The following OLFM1 variants were observed in gnomAD, a reference collection of about 807,000 sequenced individuals.
OLFM1 encodes olfactomedin 1.
OLFM1 carries 9 observed loss-of-function variants against 49.7 expected under a neutral mutation model. The ratio of observed to expected loss-of-function variants is 0.18; its 90% CI spans 0.11 to 0.32. The LOEUF (loss-of-function observed/expected upper bound fraction) is 0.32. Among genes scored for constraint, OLFM1 ranks in the 10% least tolerant of loss-of-function variants. OLFM1 has a pLI of 1.00. For missense variants in OLFM1, 369 were observed against 661.8 expected, an observed-to-expected ratio of 0.56 and a Z score of 4.85; for synonymous variants, 240 against 271.8, an observed-to-expected ratio of 0.88 and a Z score of 1.15.
chr9:135,078,749 C>T (rs1027511839), intron 1 of OLFM1, among the ~76,000 whole-genome samples: 4 of 152,204 alleles, frequency 2.6e-5, no homozygotes, highest in Non-Finnish European at 5.9e-5. Context: ...GCCACACCCC[C>T]CAGGCTTCCC....
Position 135,120,128 on chromosome 9 carries a change from A to G in OLFM1, c.1408A>G (p.Ile470Val), listed in dbSNP as rs1460741584. 6 of 1,613,876 alleles carry G rather than the reference A, an allele frequency of 3.7e-6. No homozygotes were observed. The highest frequency in any genetic ancestry group is 5.1e-6 in the Non-Finnish European group (6 of 1,179,962). Residue 470 changes from isoleucine to valine, a missense_variant, in exon 6 of 6, where the codon ATC (isoleucine) becomes GTC (valine). By Grantham distance (29) the Ile-to-Val change is conservative (BLOSUM62 3). Around this residue, in one of 3 missense-constraint regions of OLFM1, gnomAD observed 294 missense variants for 567.5 expected, o/e 0.52. Coordinates refer to ENST00000371793, the MANE Select transcript of OLFM1 (RefSeq NM_001282611.2). ...ALYAWNNGHQ[I>V]LYNVTLFHVI... Reference sequence around the variant, plus strand: ...GTATGCCTGGAACAACGGCCACCAGATCCTCTACAACGTGACCCTCTTCCA... The same window carrying G: ...GTATGCCTGGAACAACGGCCACCAGGTCCTCTACAACGTGACCCTCTTCCA...
At position 135,120,637 on chromosome 9, in the gene OLFM1, C is replaced by T; in HGVS notation, c.*459C>T. On this transcript the variant is annotated 3_prime_UTR_variant, in exon 6 of 6. Transcript: ENST00000371793. Reference sequence around the variant, plus strand: ...TGTAACTCGCATCCCATTGCAGTGCCGTTTCTTGACTGTGTTGCTGTCTCT... The same window carrying T: ...TGTAACTCGCATCCCATTGCAGTGCTGTTTCTTGACTGTGTTGCTGTCTCT... 1.1e-5 allele frequency: 2 copies of T among 183,286 alleles called. 1 individual carries two copies. The highest frequency in any genetic ancestry group is 2.6e-4 in the South Asian group (2 of 7,656). 11.4% of individuals were successfully genotyped at this position (183,286 alleles called of 1,614,324 possible).
chr9:135,090,370 T>TTGTG (rs751212855), intron 2 of OLFM1, 26 bp downstream of exon 2: 18 of 1,459,564 alleles, frequency 1.2e-5, no homozygotes, highest in Non-Finnish European at 1.5e-5. Flanking sequence ...GTGTGTGAGT[T>TTGTG]TGTATGTGTG....
chr9:135,095,246 A>G (rs1389954928), intron 2 of OLFM1: 2 of 152,220 alleles, frequency 1.3e-5, no homozygotes, highest in East Asian at 1.9e-4. Flanking sequence ...TCATCTACCT[A>G]TGATACTGTG....
In OLFM1 at chr9:135,113,886, C is replaced by A. The variant is rs1391757115; in HGVS notation, c.784-5618C>A. Among the ~76,000 whole-genome samples, 3 of 152,190 alleles carry A rather than the reference C, an allele frequency of 2.0e-5. No individual in the cohort carries two copies. Among genetic ancestry groups the A allele is most frequent in the Non-Finnish European group, 4.4e-5 (3 of 68,032 alleles). On this transcript the variant is annotated intron_variant, in intron 5 of 5. Transcript: ENST00000371793. This position sits in a 1 kb window ranked among gnomAD's most constrained non-coding sequence, Gnocchi z 4.0. ...GCTCACTGTCACCCAGTGCTGGAGG[C>A]TGGAAGCCCCAGACCAGGGCGCCTG...
In OLFM1 at chr9:135,088,202, G is replaced by T; in HGVS notation, c.150+63G>T. On this transcript the variant is annotated intron_variant, in intron 1 of 5. Transcript: ENST00000371793. This position sits in a 1 kb window ranked among gnomAD's most constrained non-coding sequence, Gnocchi z 4.8. The stretch of plus-strand genomic sequence containing the variant: ...CTCCTCCTCCTCCTCCCCCTCCTCG[G>T]TCCGGAGCCCCGGGCTGGGCGGGCG... The T allele has an allele frequency of 4.1e-6, 5 of 1,225,352 alleles. No homozygotes were observed. Among genetic ancestry groups the T allele is most frequent in the Middle Eastern group, 6.0e-4 (2 of 3,348 alleles). 75.9% of individuals were successfully genotyped at this position (1,225,352 alleles called of 1,614,324 possible).
chr9:135,101,957 T>C (rs552575331), intron 4 of OLFM1, among the ~76,000 whole-genome samples: 18 of 152,144 alleles, frequency 1.2e-4, no homozygotes, highest in African/African-American at 3.9e-4. Flanking sequence ...TTCTTTTTTT[T>C]CCCAAAGCCT....
rs76731336 is a variant in OLFM1, at chr9:135,105,303, G to A, written c.677-1446G>A. On this transcript the variant is annotated intron_variant, in intron 4 of 5. Transcript: ENST00000371793. ...CCGGGGCCTTGGAGCAATGCAGCCC[G>A]ACTCGATGGGAATTTGGGGGCAAAC... is the stretch of plus-strand genomic sequence containing the variant. Among the ~76,000 whole-genome samples, 596 of 152,354 alleles carry A rather than the reference G, an allele frequency of 3.9e-3. 4 individuals are homozygous for A. Among genetic ancestry groups the A allele is most frequent in the African/African-American group, 0.014 (564 of 41,594 alleles).
chr9:135,104,306 C>T (rs1000453878), intron 4 of OLFM1, among the ~76,000 whole-genome samples: 5 of 152,298 alleles, frequency 3.3e-5, no homozygotes, highest in Middle Eastern at 3.4e-3. Flanking sequence ...ACCAGCAGGG[C>T]GGGGCTCTGG....
rs959551570 is a variant in OLFM1 at position 135,112,072 on chromosome 9, A to G, written c.783+5217A>G. 2.0e-5 allele frequency among the ~76,000 whole-genome samples: 3 copies of G among 152,156 alleles called. No homozygotes were observed. The South Asian group carries it at 6.2e-4, about 32-fold the overall frequency. ...ATGATCAGAAAGGGCACACCTGCAC[A>G]GGGGGCTCTCAGCATACGTTGTGGG... On this transcript the variant is annotated intron_variant, in intron 5 of 5. Coordinates refer to ENST00000371793, the MANE Select transcript of OLFM1 (RefSeq NM_001282611.2).
At chr9:135,103,849 C>T (rs559557837) in intron 4 of OLFM1, among the ~76,000 whole-genome samples, 7 of 152,252 alleles carry the variant, frequency 4.6e-5, no homozygotes, top group South Asian at 2.1e-4. Context: ...AGCAGCCTTC[C>T]GAGGGGGCAC....
intron 4 of OLFM1, among the ~76,000 whole-genome samples, chr9:135,103,155 C>A (rs1359832956): frequency 6.6e-6 from 1 of 152,188 alleles, no homozygotes; most frequent in East Asian, 1.9e-4. Context: ...ATTTCCTGAG[C>A]CTCCAACAGT....
Position 135,113,086 on chromosome 9 carries a change from G to A in OLFM1, c.783+6231G>A, listed in dbSNP as rs1831045288. ...CAGCGTGCACGCTTCCTAATGCACA[G>A]AGCATGTGGCAGCTGGCACAGCTGG... On this transcript the variant is annotated intron_variant, in intron 5 of 5. Coordinates refer to ENST00000371793, the MANE Select transcript of OLFM1 (RefSeq NM_001282611.2). This position sits in a 1 kb window ranked among gnomAD's most constrained non-coding sequence, Gnocchi z 4.0. Among the ~76,000 whole-genome samples, 1 of 152,180 alleles carries A rather than the reference G, an allele frequency of 6.6e-6. No homozygotes were observed. The highest frequency in any genetic ancestry group is 2.4e-5 in the African/African-American group (1 of 41,440).
At chr9:135,092,928 A>C (rs1830736112) in intron 2 of OLFM1, among the ~76,000 whole-genome samples, 1 of 151,972 alleles carries the variant, frequency 6.6e-6, no homozygotes, top group Non-Finnish European at 1.5e-5. Context: ...CCTGTGTGCT[A>C]TTTTCTTTCT....
intron 2 of OLFM1, among the ~76,000 whole-genome samples, chr9:135,091,594 CA>C (rs971577173): frequency 1.3e-5 from 2 of 150,684 alleles, no homozygotes; most frequent in Non-Finnish European, 3.0e-5. Context: ...CTCACAGTCA[CA>C]CACTCACACA....
chr9:135,091,761 TCA>T (rs201600589), intron 2 of OLFM1, among the ~76,000 whole-genome samples: 43 of 32,844 alleles, frequency 1.3e-3, no homozygotes, highest in East Asian at 2.0e-3. Context: ...TCACACACAC[TCA>T]CACAGTCACA....
At chr9:135,097,310 T>G (rs1778987) in intron 3 of OLFM1, among the ~76,000 whole-genome samples, 152,349 of 152,350 alleles carry the variant, frequency 1, 76,174 homozygotes, top group Non-Finnish European at 1. Flanking sequence ...TCAGAGGCAG[T>G]TGGACATTTT....
chr9:135,089,219 G>A (rs1830646484), intron 1 of OLFM1, among the ~76,000 whole-genome samples: 1 of 152,212 alleles, frequency 6.6e-6, no homozygotes, highest in Admixed American at 6.5e-5. Context: ...TGCCGGTCCC[G>A]ATCTTCTGGG....
chr9:135,109,110 C>T (rs1262231095), intron 5 of OLFM1, among the ~76,000 whole-genome samples: 1 of 152,180 alleles, frequency 6.6e-6, no homozygotes, highest in African/African-American at 2.4e-5. Context: ...TAACACCCCC[C>T]AGGACTGGAC....
Sources: gnomAD v4.1 joint callset for allele counts (sites outside exome capture counted in the v4.1 genomes callset) on GRCh38, gnomAD v4.1.1 for gene constraint, gnomAD v4.1.1 regional missense constraint, Gnocchi (gnomAD v3.1) non-coding constraint, MANE v1.5 for transcripts, NCBI Gene and HGNC (gene_info 2026-07-23, HGNC 2026-07-21) for gene names.